The following RBFOX1 variants were observed in gnomAD, a reference collection of about 807,000 sequenced individuals.
RBFOX1 encodes the protein RNA binding protein fox-1 homolog 1.
A neutral mutation model predicts 57.7 loss-of-function variants in RBFOX1; 8 were observed. The observed-to-expected ratio is 0.14, with a 90% CI of 0.08 to 0.25. The LOEUF (loss-of-function observed/expected upper bound fraction) is 0.25, where lower values mean the gene tolerates loss of function less well. Ranked by LOEUF, RBFOX1 falls within the 10% of genes least tolerant of loss-of-function variation. The pLI, the probability that RBFOX1 is intolerant of heterozygous loss-of-function variation, is 1.00. For synonymous variants in RBFOX1, 326 were observed against 222.4 expected, an observed-to-expected ratio of 1.47 and a Z score of -4.15; for missense variants, 611 against 548.5, an observed-to-expected ratio of 1.11 and a Z score of -1.14.
chr16:5,867,868 C>T (rs897343387), intron 4 of RBFOX1, among the ~76,000 whole-genome samples: 3 of 151,948 alleles, frequency 2.0e-5, no homozygotes, highest in Admixed American at 6.6e-5. Flanking sequence ...TGCACCGCCA[C>T]GCCTGGCTAA....
chr16:6,148,957 C>T (rs938221531), intron 1 of RBFOX1, among the ~76,000 whole-genome samples: 4 of 151,804 alleles, frequency 2.6e-5, no homozygotes, highest in Non-Finnish European at 5.9e-5. Context: ...AGGCTCACAA[C>T]GTAGAAGAAA....
chr16:6,230,550 T>C (rs2097451448), intron 1 of RBFOX1, among the ~76,000 whole-genome samples: 1 of 152,134 alleles, frequency 6.6e-6, no homozygotes, highest in African/African-American at 2.4e-5. Flanking sequence ...CCACCATTTA[T>C]TCAACTCACA....
At chr16:6,745,103 G>C (rs1044747729) in intron 3 of RBFOX1, among the ~76,000 whole-genome samples, 1 of 151,996 alleles carries the variant, frequency 6.6e-6, no homozygotes, top group African/African-American at 2.4e-5. Context: ...TAAATTCCTT[G>C]AAAGAGATCT....
intron 2 of RBFOX1, among the ~76,000 whole-genome samples, chr16:6,374,490 T>C (rs1040090887): frequency 1.2e-4 from 19 of 152,346 alleles, no homozygotes; most frequent in African/African-American, 4.1e-4. Flanking sequence ...GCCATATATA[T>C]GTTTTTTTAA....
At chr16:6,373,132 T>G (rs11863616) in intron 2 of RBFOX1, among the ~76,000 whole-genome samples, 92,164 of 148,532 alleles carry the variant, frequency 0.62, 28,449 homozygotes, top group Middle Eastern at 0.72. Context: ...AGTATAACTG[T>G]ATGGGAGGAT....
At chr16:6,518,838 T>A (rs1598740224) in intron 2 of RBFOX1, among the ~76,000 whole-genome samples, 1 of 125,486 alleles carries the variant, frequency 8.0e-6, no homozygotes, top group Non-Finnish European at 1.6e-5. Flanking sequence ...TATCTATCTA[T>A]CTATCTATCT....
intron 3 of RBFOX1, among the ~76,000 whole-genome samples, chr16:5,633,325 T>C (rs751580476): frequency 1.3e-5 from 2 of 152,158 alleles, no homozygotes; most frequent in Admixed American, 6.5e-5. Flanking sequence ...TCTTTTCTCA[T>C]TCCAAAGCAT....
chr16:6,968,444 G>A (rs1404908715), intron 3 of RBFOX1, among the ~76,000 whole-genome samples: 1 of 152,042 alleles, frequency 6.6e-6, no homozygotes, highest in African/African-American at 2.4e-5. Flanking sequence ...ATAAAAGCAT[G>A]CTGCCTGACG....
chr16:7,400,583 G>A (rs2098224690), intron 4 of RBFOX1, among the ~76,000 whole-genome samples: 2 of 152,082 alleles, frequency 1.3e-5, no homozygotes, highest in African/African-American at 4.8e-5. Flanking sequence ...CCATCTCCCA[G>A]CAAGAAGAAA....
exon 3 of RBFOX1, chr16:5,599,588 G>C (rs765560160): frequency 4.2e-6 from 1 of 240,424 alleles, no homozygotes; most frequent in Non-Finnish European, 8.0e-6. Flanking sequence ...TTTGTGTATT[G>C]TTGGTGACCT....
At chr16:5,359,430 A>G (rs78841101) in intron 1 of RBFOX1, among the ~76,000 whole-genome samples, 6,074 of 152,282 alleles carry the variant, frequency 0.04, 197 homozygotes, top group Non-Finnish European at 0.065. Flanking sequence ...CATTCCCACC[A>G]ACAGTGTACA....
At chr16:6,491,748 T>TA (rs2095637437) in intron 2 of RBFOX1, among the ~76,000 whole-genome samples, 1 of 152,180 alleles carries the variant, frequency 6.6e-6, no homozygotes, top group South Asian at 2.1e-4. Context: ...TTTCAAGGGT[T>TA]ACCAACAGCT....
rs533352721 is a variant in RBFOX1 at position 5,240,023 on chromosome 16, C to A, written c.137C>A (p.Pro46His). 2,138 of 1,531,282 alleles carry A rather than the reference C, an allele frequency of 1.4e-3. 23 individuals carry two copies. In the African/African-American group the frequency reaches 0.025, roughly 18 times the overall value. The allele number at this position is 1,531,282 out of a possible 1,614,324, so 94.9% of individuals were successfully genotyped here. A position where few individuals can be genotyped will look rare whatever the true frequency, so the allele number is the denominator to read the frequency against. The change falls in exon 1 of 3, where the codon CCC becomes CAC. Residue 46 changes from proline to histidine, a missense_variant. Coordinates refer to the RBFOX1 transcript ENST00000585867. ...GGGCTGGAGGGGGGAAGCGCACAGC[C>A]CGAGGACTGCGAGGACGGGAAGGAC...
chr16:7,182,918 T>A (rs978738963), intron 4 of RBFOX1, among the ~76,000 whole-genome samples: 4 of 152,234 alleles, frequency 2.6e-5, no homozygotes, highest in African/African-American at 9.6e-5. Flanking sequence ...GCCCTGGTCA[T>A]AAATTATCTT....
At chr16:5,710,487 C>T (rs1277385314) in intron 3 of RBFOX1, among the ~76,000 whole-genome samples, 1 of 152,188 alleles carries the variant, frequency 6.6e-6, no homozygotes, top group Admixed American at 6.5e-5. Context: ...ACACAAGTCA[C>T]AATGCTGCCC....
chr16:7,252,213 TTTTG>T (rs1339327268), intron 4 of RBFOX1, among the ~76,000 whole-genome samples: 1 of 152,226 alleles, frequency 6.6e-6, no homozygotes, highest in Non-Finnish European at 1.5e-5. Flanking sequence ...TTTGAGAGAT[TTTTG>T]TTTGTTTCCC....
At chr16:6,292,604 C>T (rs768342997) in intron 1 of RBFOX1, among the ~76,000 whole-genome samples, 2 of 151,782 alleles carry the variant, frequency 1.3e-5, no homozygotes, top group Admixed American at 1.3e-4. Flanking sequence ...TGAGGGGGAA[C>T]CTCATGGAGT....
intron 2 of RBFOX1, among the ~76,000 whole-genome samples, chr16:6,581,150 A>G (rs1368639346): frequency 1.3e-5 from 2 of 152,118 alleles, no homozygotes; most frequent in Admixed American, 6.5e-5. Flanking sequence ...GGACAACCAG[A>G]GTCTAATGAG....
intron 1 of RBFOX1, among the ~76,000 whole-genome samples, chr16:5,402,182 C>G (rs1276806955): frequency 2.0e-5 from 3 of 152,126 alleles, no homozygotes; most frequent in East Asian, 1.9e-4. Flanking sequence ...GAGAGGGACT[C>G]TGTGACAGGC....
Sources: allele counts gnomAD v4.1 joint callset (sites outside exome capture counted in the v4.1 genomes callset), GRCh38; gene constraint gnomAD v4.1.1; transcripts MANE v1.5; gene names NCBI Gene and HGNC (gene_info 2026-07-23, HGNC 2026-07-21).